Variants in GRM8 observed in about 807,000 individuals in gnomAD.
GRM8 encodes the protein metabotropic glutamate receptor 8.
Under a neutral mutation model 87.2 loss-of-function variants are expected in GRM8, and 47 were observed. The observed-to-expected ratio is 0.54, with a 90% CI of 0.43 to 0.69. The LOEUF (loss-of-function observed/expected upper bound fraction) is 0.69. Ranked by LOEUF, GRM8 falls within the 30% of genes least tolerant of loss-of-function variation. The pLI, the probability that GRM8 is intolerant of heterozygous loss-of-function variation, is 0.00. For synonymous variants in GRM8, 396 were observed against 404.5 expected (o/e 0.98, Z 0.25); for missense variants, 1,019 against 1,139.2 (o/e 0.89, Z 1.52).
intron 3 of GRM8, among the ~76,000 whole-genome samples, chr7:127,051,061 A>G (rs1819419525): frequency 6.6e-6 from 1 of 152,200 alleles, no homozygotes. Context: ...TATATGATAT[A>G]CTAATTATAA....
intron 2 of GRM8, among the ~76,000 whole-genome samples, chr7:127,190,125 C>T (rs1794943797): frequency 6.6e-6 from 1 of 152,146 alleles, no homozygotes; most frequent in East Asian, 1.9e-4. Context: ...GATTCCTCTG[C>T]CCTGTTCCAC....
chr7:127,163,824 T>C (rs889662727), intron 2 of GRM8, among the ~76,000 whole-genome samples: 3 of 152,134 alleles, frequency 2.0e-5, no homozygotes, highest in Admixed American at 2.0e-4. Flanking sequence ...CATAAAGAAA[T>C]TTTTTAATGA....
intron 7 of GRM8, among the ~76,000 whole-genome samples, chr7:126,666,326 C>T (rs1805765780): frequency 6.6e-6 from 1 of 152,078 alleles, no homozygotes; most frequent in South Asian, 2.1e-4. Context: ...ATGACAGAGT[C>T]AGGATCCAAA....
intron 3 of GRM8, among the ~76,000 whole-genome samples, chr7:126,996,837 T>C (rs1184613499): frequency 6.6e-6 from 1 of 151,970 alleles, no homozygotes; most frequent in African/African-American, 2.4e-5. Flanking sequence ...CTCAGTACAA[T>C]AGTAGCTGGA....
At chr7:127,210,443 G>A (rs939972576) in intron 2 of GRM8, among the ~76,000 whole-genome samples, 33 of 152,304 alleles carry the variant, frequency 2.2e-4, no homozygotes, top group African/African-American at 7.7e-4. Flanking sequence ...ACCAAACAAT[G>A]GAGCAGTGGT....
intron 7 of GRM8, among the ~76,000 whole-genome samples, chr7:126,634,098 G>A (rs1801617699): frequency 1.3e-5 from 2 of 152,048 alleles, no homozygotes; most frequent in Non-Finnish European, 1.5e-5. Flanking sequence ...AAAAGGAGAA[G>A]GAGGTTATTA....
At chr7:126,594,118 G>C (rs575227690) in intron 8 of GRM8, among the ~76,000 whole-genome samples, 1 of 151,956 alleles carries the variant, frequency 6.6e-6, no homozygotes, top group Non-Finnish European at 1.5e-5. Context: ...GGAGAAAATG[G>C]AATTTTGCAA....
intron 3 of GRM8, among the ~76,000 whole-genome samples, chr7:126,944,800 C>CATAT (rs1807355318): frequency 6.6e-6 from 1 of 152,080 alleles, no homozygotes; most frequent in Admixed American, 6.6e-5. Context: ...CAAACAATCC[C>CATAT]ATATAAAAAT....
intron 3 of GRM8, among the ~76,000 whole-genome samples, chr7:126,984,095 A>G (rs1035604720): frequency 3.9e-5 from 6 of 152,174 alleles, no homozygotes; most frequent in Non-Finnish European, 7.3e-5. Context: ...TATCCATATC[A>G]GTATTTAAGT....
At chr7:127,214,822 T>C (rs547107838) in intron 2 of GRM8, among the ~76,000 whole-genome samples, 1 of 152,356 alleles carries the variant, frequency 6.6e-6, no homozygotes, top group African/African-American at 2.4e-5. Flanking sequence ...TTTTTTTTCC[T>C]TTTTGAGTTG....
At chr7:126,877,983 A>G (rs996917926) in intron 6 of GRM8, among the ~76,000 whole-genome samples, 6 of 152,202 alleles carry the variant, frequency 3.9e-5, no homozygotes, top group African/African-American at 1.4e-4. Flanking sequence ...ACTGGGATTT[A>G]CAATGATGAA....
intron 3 of GRM8, among the ~76,000 whole-genome samples, chr7:126,957,634 C>A (rs973478373): frequency 6.6e-6 from 1 of 152,216 alleles, no homozygotes; most frequent in African/African-American, 2.4e-5. Flanking sequence ...GCACTGAAAG[C>A]AGCACTGACA....
intron 3 of GRM8, among the ~76,000 whole-genome samples, chr7:127,056,446 T>C (rs1243069451): frequency 1.3e-5 from 2 of 152,174 alleles, no homozygotes; most frequent in Non-Finnish European, 2.9e-5. Context: ...GCCCAGGGCC[T>C]GTACACAGAA....
At chr7:126,719,535 A>G (rs569394606) in intron 7 of GRM8, among the ~76,000 whole-genome samples, 7 of 152,358 alleles carry the variant, frequency 4.6e-5, no homozygotes, top group Non-Finnish European at 1.0e-4. Flanking sequence ...CATGTCATAC[A>G]TGAAAGTATG....
intron 2 of GRM8, among the ~76,000 whole-genome samples, chr7:127,111,607 G>C (rs1197165078): frequency 3.3e-5 from 5 of 152,200 alleles, no homozygotes; most frequent in Admixed American, 6.5e-5. Context: ...GGAGCAAAAA[G>C]CCACACCCTA....
At chr7:127,103,464 G>A (rs2133052386) in intron 3 of GRM8, among the ~76,000 whole-genome samples, 1 of 152,156 alleles carries the variant, frequency 6.6e-6, no homozygotes, top group South Asian at 2.1e-4. Context: ...GCCTCCTGAG[G>A]CCTCCCCAGT....
At chr7:126,462,146 CTGT>C (rs1262759094) in intron 9 of GRM8, among the ~76,000 whole-genome samples, 1 of 151,528 alleles carries the variant, frequency 6.6e-6, no homozygotes, top group Non-Finnish European at 1.5e-5. Flanking sequence ...AAAACTGAGG[CTGT>C]TAAGTTTTAC....
At position 126,784,630 on chromosome 7, in the gene GRM8, G is replaced by A. The variant is rs191292494; in HGVS notation, c.1157-14565C>T. On this transcript the variant is annotated intron_variant, in intron 6 of 10. Transcript: ENST00000339582. ...TTCTTCACAGAAGCTGAAAGGGGAA[G>A]ACCTAACCATTTATTGGGATCTATT... is the stretch of plus-strand genomic sequence containing the variant. 1.6e-3 allele frequency among the ~76,000 whole-genome samples: 250 copies of A among 152,254 alleles called. 2 individuals are homozygous for A. In the South Asian group the frequency reaches 0.022, roughly 13 times the overall value.
At chr7:126,629,047 G>C (rs998161278) in intron 7 of GRM8, among the ~76,000 whole-genome samples, 2 of 152,042 alleles carry the variant, frequency 1.3e-5, no homozygotes, top group Non-Finnish European at 2.9e-5. Flanking sequence ...GAAAAGAAAG[G>C]TATACTAAAC....
Sources: gnomAD v4.1 joint callset for allele counts (sites outside exome capture counted in the v4.1 genomes callset) on GRCh38, gnomAD v4.1.1 for gene constraint, MANE v1.5 for transcripts, NCBI Gene and HGNC (gene_info 2026-07-23, HGNC 2026-07-21) for gene names.